The following PKIB variants were observed in gnomAD, a reference collection of about 807,000 sequenced individuals.
The protein encoded by PKIB is cAMP-dependent protein kinase inhibitor beta, also known as PKI-beta.
A neutral mutation model predicts 4.5 loss-of-function variants in PKIB; 2 were observed. The observed-to-expected ratio is 0.44, with a 90% CI of 0.18 to 1.39. PKIB has a LOEUF of 1.39. Among genes scored for constraint, PKIB ranks in the 40% most tolerant of loss-of-function variants. The pLI is 0.27. For synonymous variants in PKIB, 38 were observed against 36.0 expected, an observed-to-expected ratio of 1.06 and a Z score of -0.20; for missense variants, 94 against 92.6, an observed-to-expected ratio of 1.02 and a Z score of -0.06.
At chr6:122,625,596 C>T (rs1025580346) in intron 1 of PKIB, among the ~76,000 whole-genome samples, 1 of 151,832 alleles carries the variant, frequency 6.6e-6, no homozygotes, top group African/African-American at 2.4e-5. Context: ...TGAGATTGCC[C>T]CACTGCACTC....
At chr6:122,518,787 T>C (rs1302527045) in intron 2 of PKIB, among the ~76,000 whole-genome samples, 1 of 152,158 alleles carries the variant, frequency 6.6e-6, no homozygotes, top group Admixed American at 6.5e-5. Flanking sequence ...AAGACAAATA[T>C]ATTTTATTTA....
In PKIB at chr6:122,570,020, CA is replaced by C. The variant is rs1773313025; in HGVS notation, c.-247-15899del. Among the ~76,000 whole-genome samples, 16 of 152,298 alleles carry C rather than the reference CA, an allele frequency of 1.1e-4. No homozygotes were observed. The South Asian group carries it at 3.3e-3, about 32-fold the overall frequency. On this transcript the variant is annotated intron_variant, in intron 2 of 6. Coordinates refer to the PKIB transcript ENST00000392491. ...AGCTGGGGCTTCTCCCACAGGAATG[CA>C]ACATGGATGCACCTACAGACAGCTT...
chr6:122,577,769 C>T (rs927461866), intron 2 of PKIB, among the ~76,000 whole-genome samples: 3 of 151,562 alleles, frequency 2.0e-5, no homozygotes. Flanking sequence ...ATTAGCCGGG[C>T]GTGGTGGTGG....
intron 2 of PKIB, among the ~76,000 whole-genome samples, chr6:122,539,239 AGGGCATCC>A (rs1482854917): frequency 8.6e-5 from 13 of 152,010 alleles, no homozygotes; most frequent in Non-Finnish European, 1.9e-4. Context: ...GGGGTGAGAG[AGGGCATCC>A]CTGTCTTGTG....
At chr6:122,618,647 C>G (rs1336288809) in intron 1 of PKIB, among the ~76,000 whole-genome samples, 1 of 151,970 alleles carries the variant, frequency 6.6e-6, no homozygotes, top group Non-Finnish European at 1.5e-5. Flanking sequence ...TTCCCTGTTT[C>G]CCACTTAATA....
At chr6:122,659,325 TG>T (rs1417880685) in intron 2 of PKIB, among the ~76,000 whole-genome samples, 1 of 152,218 alleles carries the variant, frequency 6.6e-6, no homozygotes, top group African/African-American at 2.4e-5. Flanking sequence ...TCAAAATTGT[TG>T]ACATCTGAAA....
At chr6:122,520,661 T>TTTCCCCCCCC (rs1562237597) in intron 2 of PKIB, among the ~76,000 whole-genome samples, 1 of 55,548 alleles carries the variant, frequency 1.8e-5, no homozygotes, top group Non-Finnish European at 3.8e-5. Context: ...AAGTTTATGT[T>TTTCCCCCCCC]CCCACCCCCC....
chr6:122,477,024 A>C (rs1392958278), intron 1 of PKIB, among the ~76,000 whole-genome samples: 1 of 152,194 alleles, frequency 6.6e-6, no homozygotes, highest in Non-Finnish European at 1.5e-5. Flanking sequence ...TTTTTTGTAG[A>C]TGTATTAAAA....
At chr6:122,568,894 G>A (rs1271269844) in intron 2 of PKIB, among the ~76,000 whole-genome samples, 1 of 152,012 alleles carries the variant, frequency 6.6e-6, no homozygotes, top group East Asian at 1.9e-4. Context: ...TGAGTTCTGT[G>A]TGCAGACTGC....
intron 2 of PKIB, among the ~76,000 whole-genome samples, chr6:122,634,717 C>T (rs1272177137): frequency 1.3e-5 from 2 of 152,104 alleles, no homozygotes; most frequent in Non-Finnish European, 2.9e-5. Flanking sequence ...TCCCATGGCT[C>T]ATCAGAGCAT....
intron 1 of PKIB, among the ~76,000 whole-genome samples, chr6:122,472,406 G>A (rs1233821001): frequency 6.6e-6 from 1 of 151,874 alleles, no homozygotes; most frequent in Non-Finnish European, 1.5e-5. Context: ...AAATTTGCAC[G>A]TTAAAATTAT....
intron 3 of PKIB, among the ~76,000 whole-genome samples, chr6:122,603,772 C>A (rs1330713856): frequency 6.6e-6 from 1 of 152,202 alleles, no homozygotes; most frequent in African/African-American, 2.4e-5. Flanking sequence ...TGAACGACCA[C>A]TCCTGGCTTT....
chr6:122,570,285 T>A (rs1773322178), intron 2 of PKIB, among the ~76,000 whole-genome samples: 1 of 152,138 alleles, frequency 6.6e-6, no homozygotes, highest in South Asian at 2.1e-4. Context: ...TTCAACCTGA[T>A]AAAACCTCTG....
intron 1 of PKIB, among the ~76,000 whole-genome samples, chr6:122,472,701 A>G (rs1294459493): frequency 1.3e-5 from 2 of 152,246 alleles, no homozygotes; most frequent in Admixed American, 6.5e-5. Context: ...AAGAATCTGG[A>G]AGAATGTCAG....
At chr6:122,596,444 C>T (rs929632551) in intron 3 of PKIB, among the ~76,000 whole-genome samples, 4 of 152,174 alleles carry the variant, frequency 2.6e-5, no homozygotes, top group Admixed American at 6.5e-5. Flanking sequence ...AGCCTGATCA[C>T]GTATATACCA....
At chr6:122,564,654 G>A (rs1164067818) in intron 2 of PKIB, among the ~76,000 whole-genome samples, 2 of 152,182 alleles carry the variant, frequency 1.3e-5, no homozygotes, top group Non-Finnish European at 2.9e-5. Context: ...TTTCTGCATG[G>A]AAGGGTAGTG....
rs1774703322 is a variant in PKIB, at chr6:122,610,479, G to T, written c.-217G>T. 1 of 152,516 alleles carries T rather than the reference G, an allele frequency of 6.6e-6. No individual in the cohort carries two copies. The highest frequency in any genetic ancestry group is 2.4e-5 in the African/African-American group (1 of 41,480). The allele number at this position is 152,516 out of a possible 1,614,324, so 9.4% of individuals were successfully genotyped here. On this transcript the variant is annotated 5_prime_UTR_variant, in exon 1 of 5. Transcript: ENST00000368452. ...CCGAGTCGCAGCTCCGGGCCGCAGAGCGCTGGGCGAGCGCGAGCGCCAGGG... is the reference window on the plus strand; with the variant it reads ...CCGAGTCGCAGCTCCGGGCCGCAGATCGCTGGGCGAGCGCGAGCGCCAGGG...
At chr6:122,717,715 C>G in intron 3 of PKIB, 72 bp from the exon 4 acceptor site, 1 of 1,461,590 alleles carries the variant, frequency 6.8e-7, no homozygotes, top group East Asian at 2.3e-5. Context: ...TCTAGCCATG[C>G]CTTTCAACCA....
rs975447459 is a variant in PKIB at position 122,471,945 on chromosome 6, C to A, written c.-433C>A. 6 of 1,148,078 alleles carry A rather than the reference C, an allele frequency of 5.2e-6. No homozygotes were observed. The East Asian group carries it at 1.4e-4, about 27-fold the overall frequency. 71.1% of individuals were successfully genotyped at this position (1,148,078 alleles called of 1,614,324 possible). On this transcript the variant is annotated 5_prime_UTR_variant, in exon 1 of 7. Coordinates refer to the PKIB transcript ENST00000392491. ...TGCGCATGCGCGTCACTAGACGACACGGCTGTCTTCTTTCCTGGAGAATTT... is the reference window on the plus strand; with the variant it reads ...TGCGCATGCGCGTCACTAGACGACAAGGCTGTCTTCTTTCCTGGAGAATTT...
Sources: allele counts gnomAD v4.1 joint callset (sites outside exome capture counted in the v4.1 genomes callset), GRCh38; gene constraint gnomAD v4.1.1; transcripts MANE v1.5; gene names NCBI Gene and HGNC (gene_info 2026-07-23, HGNC 2026-07-21).